The following TGFBR3 variants were observed in gnomAD, a reference collection of about 807,000 sequenced individuals.
The protein encoded by TGFBR3 is transforming growth factor beta receptor type 3.
A neutral mutation model predicts 87.9 loss-of-function variants in TGFBR3; 46 were observed. The ratio of observed to expected loss-of-function variants is 0.52; its 90% CI spans 0.41 to 0.67. The LOEUF is 0.67. Among genes scored for constraint, TGFBR3 ranks in the 30% least tolerant of loss-of-function variants. The pLI is 0.00. For missense variants in TGFBR3, 866 were observed against 1,041.9 expected, an observed-to-expected ratio of 0.83 and a Z score of 2.32; for synonymous variants, 381 against 391.6, an observed-to-expected ratio of 0.97 and a Z score of 0.32.
At position 91,838,383 on chromosome 1, in the gene TGFBR3, T is replaced by C. The variant is rs370944852; in HGVS notation, c.61+23088A>G. Among the ~76,000 whole-genome samples the C allele has an allele frequency of 4.2e-4, 64 of 152,228 alleles. 2 individuals carry two copies. The South Asian group carries it at 0.012, about 28-fold the overall frequency. ...TAAACTGTAACATAAACAGTATCTT[T>C]CATGAAAAACAACTACTTTCTAAAA... is the stretch of plus-strand genomic sequence containing the variant. On this transcript the variant is annotated intron_variant, in intron 2 of 16. Coordinates refer to ENST00000212355, the MANE Select transcript of TGFBR3 (RefSeq NM_003243.5).
chr1:91,714,965 C>A (rs759387357), intron 12 of TGFBR3, among the ~76,000 whole-genome samples: 3 of 152,148 alleles, frequency 2.0e-5, no homozygotes, highest in Non-Finnish European at 4.4e-5. Context: ...AGAGTCAGTG[C>A]GAATGTGAGA....
At chr1:91,812,111 T>C (rs2101040624) in intron 2 of TGFBR3, among the ~76,000 whole-genome samples, 1 of 152,310 alleles carries the variant, frequency 6.6e-6, no homozygotes, top group South Asian at 2.1e-4. Flanking sequence ...ATGGTCAAAC[T>C]GAAAATAAAA....
At position 91,827,199 on chromosome 1, in the gene TGFBR3, G is replaced by A. The variant is rs140992100; in HGVS notation, c.62-29728C>T. On this transcript the variant is annotated intron_variant, in intron 2 of 16. Transcript: ENST00000212355. ...AGGTGTGATGTAAAGTGCCAGGCAT[G>A]AGGCTGGCATTTGATGTTAAGCGCT... Among the ~76,000 whole-genome samples, 22 of 152,258 alleles carry A rather than the reference G, an allele frequency of 1.4e-4. 2 individuals are homozygous for A. In the East Asian group the frequency reaches 4.3e-3, roughly 29 times the overall value.
intron 16 of TGFBR3, among the ~76,000 whole-genome samples, chr1:91,694,104 C>A (rs537579540): frequency 6.6e-6 from 1 of 152,068 alleles, no homozygotes; most frequent in African/African-American, 2.4e-5. Flanking sequence ...CAGGTTCAAG[C>A]GATCCCCACC....
At chr1:91,829,395 C>CAAAAAA (rs71586715) in intron 2 of TGFBR3, among the ~76,000 whole-genome samples, 1 of 140,306 alleles carries the variant, frequency 7.1e-6, no homozygotes. Context: ...AACAAACAAA[C>CAAAAAA]AAAAAAAAAA....
At chr1:91,856,649 T>C (rs1677966501) in intron 2 of TGFBR3, among the ~76,000 whole-genome samples, 1 of 152,136 alleles carries the variant, frequency 6.6e-6, no homozygotes, top group South Asian at 2.1e-4. Context: ...CCTCCACACC[T>C]TCCCACCGAT....
chr1:91,768,216 A>AAG (rs1431949333), intron 3 of TGFBR3, among the ~76,000 whole-genome samples: 2 of 151,742 alleles, frequency 1.3e-5, no homozygotes, highest in African/African-American at 4.8e-5. Flanking sequence ...CCATCTCAAA[A>AAG]AAAAAAAAAA....
At chr1:91,825,228 A>C (rs925168160) in intron 2 of TGFBR3, among the ~76,000 whole-genome samples, 3 of 152,272 alleles carry the variant, frequency 2.0e-5, no homozygotes, top group African/African-American at 7.2e-5. Flanking sequence ...CCCAGACAGG[A>C]AACAATGCAA....
chr1:91,705,956 A>G (rs1671787055), intron 14 of TGFBR3, among the ~76,000 whole-genome samples: 1 of 152,220 alleles, frequency 6.6e-6, no homozygotes, highest in Non-Finnish European at 1.5e-5. Flanking sequence ...AATTTGCAAG[A>G]GAAATTACTT....
At chr1:91,732,545 C>T (rs543461620) in intron 5 of TGFBR3, among the ~76,000 whole-genome samples, 18 of 152,136 alleles carry the variant, frequency 1.2e-4, no homozygotes, top group Non-Finnish European at 2.2e-4. Flanking sequence ...AAAGGTAGAG[C>T]CAGGTCGGAT....
At chr1:91,811,484 T>C (rs1676027511) in intron 2 of TGFBR3, among the ~76,000 whole-genome samples, 1 of 152,192 alleles carries the variant, frequency 6.6e-6, no homozygotes, top group Non-Finnish European at 1.5e-5. Flanking sequence ...AACTGGCATT[T>C]ATTTGCTAAA....
At chr1:91,808,541 C>A (rs943357874) in intron 2 of TGFBR3, among the ~76,000 whole-genome samples, 1 of 152,202 alleles carries the variant, frequency 6.6e-6, no homozygotes, top group Non-Finnish European at 1.5e-5. Context: ...TCTCAACTCA[C>A]TGCAAATTCC....
Position 91,727,786 on chromosome 1 carries a change from G to T in TGFBR3, c.758C>A (p.Thr253Lys), listed in dbSNP as rs768677082. The T allele has an allele frequency of 2.5e-6, 4 of 1,613,908 alleles. No individual in the cohort carries two copies. The highest frequency in any genetic ancestry group is 3.4e-6 in the Non-Finnish European group (4 of 1,179,974). ...CTCTTGAGAAGGTCTTATATCAATT[G>T]TTATATCCACCTGGAAAGCACTGTG... ...NPYSAFQVDI[T>K]IDIRPSQEDL... The change falls in exon 7 of 17, where the codon ACA becomes AAA. Residue 253 changes from threonine (T) to lysine (K), a missense_variant. Coordinates refer to ENST00000212355, the MANE Select transcript of TGFBR3 (RefSeq NM_003243.5).
chr1:91,868,341 C>T (rs1678456148), intron 1 of TGFBR3, among the ~76,000 whole-genome samples: 1 of 152,164 alleles, frequency 6.6e-6, no homozygotes, highest in African/African-American at 2.4e-5. Context: ...TTGTTTATAG[C>T]AAATTTTGTA....
rs114700878 is a variant in TGFBR3, at chr1:91,894,328, A to G, written c.-114+5309T>C. On this transcript the variant is annotated intron_variant, in intron 2 of 17. Coordinates refer to the TGFBR3 transcript ENST00000370399. ...CTCAGATTTCTTTCTTTCCTGGATCATTCTCATCAACTTACAAACATACTA... is the reference window on the plus strand; with the variant it reads ...CTCAGATTTCTTTCTTTCCTGGATCGTTCTCATCAACTTACAAACATACTA... 6.1e-3 allele frequency among the ~76,000 whole-genome samples: 934 copies of G among 152,228 alleles called. 16 individuals are homozygous for G. Among genetic ancestry groups the G allele is most frequent in the African/African-American group, 0.022 (896 of 41,512 alleles).
chr1:91,813,707 C>T (rs1676104903), intron 2 of TGFBR3, among the ~76,000 whole-genome samples: 1 of 152,294 alleles, frequency 6.6e-6, no homozygotes, highest in African/African-American at 2.4e-5. Flanking sequence ...GAAAGCACCA[C>T]CTCACAAAGA....
chr1:91,802,088 G>C (rs1349238403), intron 2 of TGFBR3, among the ~76,000 whole-genome samples: 1 of 152,198 alleles, frequency 6.6e-6, no homozygotes, highest in Non-Finnish European at 1.5e-5. Flanking sequence ...AATCAGGGGA[G>C]AGGGTTTCCT....
At chr1:91,741,036 C>G (rs1673142930) in intron 4 of TGFBR3, among the ~76,000 whole-genome samples, 1 of 152,176 alleles carries the variant, frequency 6.6e-6, no homozygotes, top group Non-Finnish European at 1.5e-5. Flanking sequence ...GGGTGTTTTT[C>G]CCACACCAAC....
At chr1:91,812,155 C>T (rs1676054209) in intron 2 of TGFBR3, among the ~76,000 whole-genome samples, 2 of 152,132 alleles carry the variant, frequency 1.3e-5, no homozygotes, top group South Asian at 2.1e-4. Flanking sequence ...ACAAAAAGGG[C>T]TTTGTCTCAA....
Sources: gnomAD v4.1 joint callset for allele counts (sites outside exome capture counted in the v4.1 genomes callset) on GRCh38, gnomAD v4.1.1 for gene constraint, MANE v1.5 for transcripts, NCBI Gene and HGNC (gene_info 2026-07-23, HGNC 2026-07-21) for gene names.